Variants in DIS3L2 observed in about 807,000 individuals in gnomAD.
DIS3L2 encodes DIS3-like exonuclease 2.
DIS3L2 carries 34 observed loss-of-function variants against 97.5 expected under a neutral mutation model. The ratio of observed to expected loss-of-function variants is 0.35; its 90% CI spans 0.27 to 0.46. The LOEUF (loss-of-function observed/expected upper bound fraction) is 0.46. DIS3L2 is among the 20% of genes least tolerant of loss of function. The pLI is 1.00. For synonymous variants in DIS3L2, 435 were observed against 445.2 expected (o/e 0.98, Z 0.29); for missense variants, 1,038 against 1,146.0 (o/e 0.91, Z 1.36).
chr2:232,304,307 A>G (rs1451771111), intron 14 of DIS3L2, among the ~76,000 whole-genome samples: 2 of 152,224 alleles, frequency 1.3e-5, no homozygotes, highest in African/African-American at 2.4e-5. Flanking sequence ...TTCAGGAGTG[A>G]ATAAGTGATT....
chr2:232,249,365 T>G lies in DIS3L2; in HGVS notation c.1425+19T>G. 1 of 1,611,452 alleles carries G rather than the reference T, an allele frequency of 6.2e-7. No individual in the cohort carries two copies. The highest frequency in any genetic ancestry group is 1.1e-5 in the South Asian group (1 of 90,568). On this transcript the variant is annotated intron_variant, in intron 12 of 20. Coordinates refer to ENST00000325385, the MANE Select transcript of DIS3L2 (RefSeq NM_152383.5). ...GGGCAAGGTAACAACTTACACGTTTTCTTTCTCCACTTACCTCTTTTCTGT... is the reference window on the plus strand; with the variant it reads ...GGGCAAGGTAACAACTTACACGTTTGCTTTCTCCACTTACCTCTTTTCTGT...
rs1032924139 is a variant in DIS3L2 at position 232,129,727 on chromosome 2, A to G, written c.602-892A>G. 5.3e-5 allele frequency among the ~76,000 whole-genome samples: 8 copies of G among 152,190 alleles called. 1 individual carries two copies. Among genetic ancestry groups the G allele is most frequent in the Non-Finnish European group, 1.0e-4 (7 of 68,030 alleles). On this transcript the variant is annotated intron_variant, in intron 6 of 20. Coordinates refer to ENST00000325385, the MANE Select transcript of DIS3L2 (RefSeq NM_152383.5). ...AGCCAGTCCTGAAAAGGATTGATTTATTTACTTTGGCCTTGGCAACATCTA... is the reference window on the plus strand; with the variant it reads ...AGCCAGTCCTGAAAAGGATTGATTTGTTTACTTTGGCCTTGGCAACATCTA...
At chr2:231,970,028 C>T (rs1032207644) in intron 1 of DIS3L2, among the ~76,000 whole-genome samples, 1 of 152,068 alleles carries the variant, frequency 6.6e-6, no homozygotes, top group African/African-American at 2.4e-5. Context: ...TCACAGTAGC[C>T]TTGACCTCTG....
intron 14 of DIS3L2, among the ~76,000 whole-genome samples, chr2:232,301,550 C>T (rs1237464451): frequency 6.6e-6 from 1 of 152,180 alleles, no homozygotes; most frequent in Non-Finnish European, 1.5e-5. Flanking sequence ...TACCACATCT[C>T]CACTGGGATT....
intron 5 of DIS3L2, 84 bp downstream of exon 5, chr2:232,030,164 G>A: frequency 8.2e-7 from 1 of 1,214,586 alleles, no homozygotes. Flanking sequence ...TCATAAACTG[G>A]AGGAGTCACA....
chr2:232,102,429 CT>C (rs1451031338), intron 6 of DIS3L2, among the ~76,000 whole-genome samples: 1 of 152,078 alleles, frequency 6.6e-6, no homozygotes, highest in Admixed American at 6.6e-5. Flanking sequence ...CATTAATTTT[CT>C]TAGGTGCGAT....
At chr2:232,027,085 G>T (rs1694680521) in intron 4 of DIS3L2, among the ~76,000 whole-genome samples, 1 of 152,034 alleles carries the variant, frequency 6.6e-6, no homozygotes, top group Non-Finnish European at 1.5e-5. Context: ...TTGCTTTGTG[G>T]GTTTCAGTTT....
Position 232,292,764 on chromosome 2 carries a change from A to T in DIS3L2, c.1660-7276A>T, listed in dbSNP as rs752585737. The stretch of plus-strand genomic sequence containing the variant: ...GGGAGACTGCCCTTTCCTTGTTGGG[A>T]TGAAAGCCTTGCCTCTAACTGAACC... On this transcript the variant is annotated intron_variant, in intron 13 of 20. Transcript: ENST00000325385. The surrounding 1 kb of genome is among the most constrained non-coding windows in gnomAD (Gnocchi z 4.4). Among the ~76,000 whole-genome samples, 20 of 152,252 alleles carry T rather than the reference A, an allele frequency of 1.3e-4. No homozygotes were observed. Among genetic ancestry groups the T allele is most frequent in the South Asian group, 6.2e-4 (3 of 4,830 alleles).
At chr2:232,046,649 T>G (rs1485384386) in intron 5 of DIS3L2, among the ~76,000 whole-genome samples, 2 of 152,174 alleles carry the variant, frequency 1.3e-5, no homozygotes, top group African/African-American at 2.4e-5. Flanking sequence ...CTTCACCCCC[T>G]TCTCCAGTTA....
intron 14 of DIS3L2, among the ~76,000 whole-genome samples, chr2:232,323,404 C>G (rs1277526088): frequency 6.6e-6 from 1 of 152,202 alleles, no homozygotes; most frequent in Non-Finnish European, 1.5e-5. Flanking sequence ...TTTGGCAAGG[C>G]CTGAGGGCCC....
intron 8 of DIS3L2, among the ~76,000 whole-genome samples, chr2:232,144,483 C>A (rs1250441720): frequency 6.6e-6 from 1 of 151,922 alleles, no homozygotes; most frequent in Non-Finnish European, 1.5e-5. Flanking sequence ...ATTTTTTTAA[C>A]AGTTAATTTT....
At chr2:232,207,773 T>C (rs973288312) in intron 9 of DIS3L2, among the ~76,000 whole-genome samples, 7 of 152,182 alleles carry the variant, frequency 4.6e-5, no homozygotes, top group African/African-American at 1.7e-4. Context: ...TTAACTATAT[T>C]AAGCCAAATG....
chr2:231,966,828 G>C (rs1375613062), intron 1 of DIS3L2, among the ~76,000 whole-genome samples: 1 of 151,690 alleles, frequency 6.6e-6, no homozygotes, highest in Non-Finnish European at 1.5e-5. Flanking sequence ...ACTGAGAGTG[G>C]TGGTAGAATG....
intron 5 of DIS3L2, among the ~76,000 whole-genome samples, chr2:232,049,407 G>A (rs1046808587): frequency 6.6e-6 from 1 of 152,178 alleles, no homozygotes; most frequent in Admixed American, 6.5e-5. Flanking sequence ...GGGAGATGTG[G>A]GGTCTTTTGG....
chr2:232,302,720 C>T (rs1283520805), intron 14 of DIS3L2, among the ~76,000 whole-genome samples: 1 of 151,982 alleles, frequency 6.6e-6, no homozygotes, highest in Non-Finnish European at 1.5e-5. Context: ...GCCACCACAC[C>T]TAGCTAAATT....
At chr2:231,969,951 A>ATT (rs995675948) in intron 1 of DIS3L2, among the ~76,000 whole-genome samples, 1 of 140,548 alleles carries the variant, frequency 7.1e-6, no homozygotes, top group African/African-American at 2.6e-5. Context: ...TGATCATATG[A>ATT]TTTTTTTTTT....
intron 13 of DIS3L2, among the ~76,000 whole-genome samples, chr2:232,278,168 C>T (rs773416088): frequency 4.0e-4 from 61 of 151,988 alleles, no homozygotes; most frequent in Admixed American, 1.3e-4. Context: ...ATTTGTTTTC[C>T]TGCTTGTGGG....
chr2:232,174,640 G>A (rs118098034), intron 9 of DIS3L2, among the ~76,000 whole-genome samples: 1 of 150,284 alleles, frequency 6.7e-6, no homozygotes, highest in East Asian at 2.0e-4. Context: ...GGATACCATG[G>A]AATTTCCTGT....
At chr2:232,099,799 T>G (rs1321628179) in intron 6 of DIS3L2, among the ~76,000 whole-genome samples, 1 of 152,196 alleles carries the variant, frequency 6.6e-6, no homozygotes, top group East Asian at 1.9e-4. Context: ...TGTGCCAGTT[T>G]TGGCATAATT....
Sources: gnomAD v4.1 joint callset for allele counts (sites outside exome capture counted in the v4.1 genomes callset) on GRCh38, gnomAD v4.1.1 for gene constraint, Gnocchi (gnomAD v3.1) non-coding constraint, MANE v1.5 for transcripts, NCBI Gene and HGNC (gene_info 2026-07-23, HGNC 2026-07-21) for gene names.